SAMD3: variants seen among roughly 807,000 people sequenced by gnomAD.
SAMD3 encodes sterile alpha motif domain containing 3, also known as sterile alpha motif domain-containing protein 3.
SAMD3 carries 63 observed loss-of-function variants against 58.5 expected under a neutral mutation model. That is an observed-to-expected ratio of 1.08 (90% CI 0.88 to 1.33). The LOEUF is 1.33. Among genes scored for constraint, SAMD3 ranks in the 40% most tolerant of loss-of-function variants. The probability of loss-of-function intolerance (pLI) is 0.00; values close to 1 mark genes in which losing one functional copy is unlikely to be tolerated. For synonymous variants in SAMD3, 220 were observed against 210.3 expected (o/e 1.05, Z -0.40); for missense variants, 604 against 608.4 (o/e 0.99, Z 0.08).
intron 2 of SAMD3, among the ~76,000 whole-genome samples, chr6:130,275,501 A>G (rs1774742720): frequency 6.6e-6 from 1 of 152,190 alleles, no homozygotes; most frequent in African/African-American, 2.4e-5. Context: ...TCACAAGTAT[A>G]TATTTAGTTT....
At chr6:130,148,328 A>G (rs1381192127) in intron 9 of SAMD3, among the ~76,000 whole-genome samples, 3 of 152,208 alleles carry the variant, frequency 2.0e-5, no homozygotes, top group Non-Finnish European at 4.4e-5. Context: ...TCCTTTCATT[A>G]TTTATAGAAT....
At chr6:130,191,617 T>C (rs1436516461) in intron 5 of SAMD3, among the ~76,000 whole-genome samples, 2 of 139,754 alleles carry the variant, frequency 1.4e-5, no homozygotes, top group East Asian at 4.6e-4. Flanking sequence ...AAACTGTTGC[T>C]TCCTTCCTTT....
intron 2 of SAMD3, among the ~76,000 whole-genome samples, chr6:130,308,388 CT>C (rs1312253832): frequency 1.4e-5 from 2 of 144,456 alleles, no homozygotes; most frequent in African/African-American, 5.3e-5. Flanking sequence ...CTATTCTATT[CT>C]ATTCTATTCT....
At chr6:130,183,966 T>C in intron 7 of SAMD3, 137 bp downstream of exon 7, 1 of 694,232 alleles carries the variant, frequency 1.4e-6, no homozygotes, top group Non-Finnish European at 2.6e-6. Context: ...CAGATAGACC[T>C]AGATACATAG....
Position 130,192,076 on chromosome 6 carries a change from C to A in SAMD3, c.384-7453G>T, listed in dbSNP as rs149490203. Among the ~76,000 whole-genome samples the A allele has an allele frequency of 2.5e-3, 375 of 152,316 alleles. 1 individual carries two copies. Among genetic ancestry groups the A allele is most frequent in the African/African-American group, 7.5e-3 (312 of 41,558 alleles). ...CATGTGGTTCTCCTCATCTGAATCC[C>A]CCACCTGGCCTGGTCCAACACTGGC... is the stretch of plus-strand genomic sequence containing the variant. On this transcript the variant is annotated intron_variant, in intron 5 of 11. Transcript: ENST00000439090.
In SAMD3 at chr6:130,260,751, G is replaced by A. The variant is rs138425973; in HGVS notation, c.-187-37938C>T. ...CCATGCGGATCCTGAGAGCACTCCCGGGTAGGCATTTGCCCAGTGAGACGC... is the reference window on the plus strand; with the variant it reads ...CCATGCGGATCCTGAGAGCACTCCCAGGTAGGCATTTGCCCAGTGAGACGC... On this transcript the variant is annotated intron_variant, in intron 2 of 13. Coordinates refer to the SAMD3 transcript ENST00000368134. Among the ~76,000 whole-genome samples, 1,087 of 152,324 alleles carry A rather than the reference G, an allele frequency of 7.1e-3. 11 individuals carry two copies. Among genetic ancestry groups the A allele is most frequent in the Middle Eastern group, 0.017 (5 of 294 alleles).
chr6:130,215,751 CAG>C, intron 2 of SAMD3: 1 of 1,508,602 alleles, frequency 6.6e-7, no homozygotes, highest in South Asian at 1.2e-5. Context: ...AAAAGCCTGA[CAG>C]AGATACTTAG....
chr6:130,309,285 TG>T (rs1776057753), intron 2 of SAMD3, among the ~76,000 whole-genome samples: 4 of 152,218 alleles, frequency 2.6e-5, no homozygotes, highest in African/African-American at 9.7e-5. Context: ...CCAAATTCTG[TG>T]TTTATAACCC....
chr6:130,353,618 C>T (rs1242901384), intron 1 of SAMD3, among the ~76,000 whole-genome samples: 1 of 152,068 alleles, frequency 6.6e-6, no homozygotes, highest in Non-Finnish European at 1.5e-5. Flanking sequence ...AAATTTACTA[C>T]AAAAATAAAA....
chr6:130,166,358 G>A (rs757437030), intron 8 of SAMD3, among the ~76,000 whole-genome samples: 70 of 152,268 alleles, frequency 4.6e-4, no homozygotes, highest in Middle Eastern at 3.4e-3. Flanking sequence ...AGTAGAAAAT[G>A]CAATATAGAA....
intron 1 of SAMD3, among the ~76,000 whole-genome samples, chr6:130,339,276 T>C (rs1479065752): frequency 6.6e-6 from 1 of 152,146 alleles, no homozygotes; most frequent in Admixed American, 6.6e-5. Context: ...CTCGATCCCC[T>C]GACCTCGTGA....
intron 8 of SAMD3, among the ~76,000 whole-genome samples, chr6:130,168,966 G>A (rs1218763577): frequency 6.6e-6 from 1 of 151,924 alleles, no homozygotes; most frequent in Non-Finnish European, 1.5e-5. Context: ...CACCAGACCT[G>A]GCTAATTTTG....
intron 2 of SAMD3, among the ~76,000 whole-genome samples, chr6:130,238,305 A>C (rs1204836571): frequency 2.0e-5 from 3 of 152,206 alleles, no homozygotes; most frequent in Admixed American, 2.0e-4. Flanking sequence ...AAACGAAAAA[A>C]TATTGTGGGA....
rs545179574 is a variant in SAMD3 at position 130,318,577 on chromosome 6, C to T, written c.-303-5484G>A. Among the ~76,000 whole-genome samples the T allele has an allele frequency of 2.8e-4, 41 of 146,444 alleles. 2 individuals carry two copies. Among genetic ancestry groups the T allele is most frequent in the African/African-American group, 1.0e-3 (37 of 36,174 alleles). On this transcript the variant is annotated intron_variant, in intron 1 of 13. Coordinates refer to the SAMD3 transcript ENST00000368134. ...CTGAGTAGCTGGGATTACAGGCACA[C>T]GCCACCATGCTCAGCTAATTTTTGT...
At chr6:130,190,398 G>A (rs765953656) in intron 5 of SAMD3, among the ~76,000 whole-genome samples, 15 of 151,868 alleles carry the variant, frequency 9.9e-5, no homozygotes, top group Non-Finnish European at 1.9e-4. Context: ...ACCAGATGTC[G>A]GCAAGGATTT....
At chr6:130,210,249 G>T (rs1162858209) in intron 4 of SAMD3, among the ~76,000 whole-genome samples, 1 of 152,174 alleles carries the variant, frequency 6.6e-6, no homozygotes, top group Non-Finnish European at 1.5e-5. Flanking sequence ...ATTTGCTGAG[G>T]TATCAACAGG....
intron 2 of SAMD3, among the ~76,000 whole-genome samples, chr6:130,255,585 GT>G (rs1435478069): frequency 2.6e-5 from 4 of 152,016 alleles, no homozygotes; most frequent in Non-Finnish European, 5.9e-5. Context: ...AGCTATCCTT[GT>G]TCTCTTTTGA....
chr6:130,308,180 A>G (rs1357530707), intron 2 of SAMD3, among the ~76,000 whole-genome samples: 1 of 152,106 alleles, frequency 6.6e-6, no homozygotes, highest in African/African-American at 2.4e-5. Flanking sequence ...GTTAGTCTTG[A>G]CTAAATCAGA....
Position 130,353,531 on chromosome 6 carries a change from T to C in SAMD3, c.-304+11589A>G, listed in dbSNP as rs139372854. ...CAACTTCAAATAACATGATCTGCGATATCTTCTGACAAACCACAAATTAGG... is the reference window on the plus strand; with the variant it reads ...CAACTTCAAATAACATGATCTGCGACATCTTCTGACAAACCACAAATTAGG... On this transcript the variant is annotated intron_variant, in intron 1 of 13. Transcript: ENST00000368134. Among the ~76,000 whole-genome samples the C allele has an allele frequency of 3.9e-3, 600 of 152,366 alleles. 2 individuals are homozygous for C. The highest frequency in any genetic ancestry group is 7.1e-3 in the Non-Finnish European group (486 of 68,022).
Sources: gnomAD v4.1 joint callset for allele counts (sites outside exome capture counted in the v4.1 genomes callset) on GRCh38, gnomAD v4.1.1 for gene constraint, MANE v1.5 for transcripts, NCBI Gene and HGNC (gene_info 2026-07-23, HGNC 2026-07-21) for gene names.